SH3RF3: variants seen among roughly 807,000 people sequenced by gnomAD.
The protein encoded by SH3RF3 is SH3 domain containing ring finger 3, also known as E3 ubiquitin-protein ligase SH3RF3.
In SH3RF3, 29 loss-of-function variants were observed where a neutral mutation model predicts 66.3. The ratio of observed to expected loss-of-function variants is 0.44; its 90% CI spans 0.33 to 0.60. SH3RF3 has a LOEUF of 0.60. Ranked by LOEUF, SH3RF3 falls within the 20% of genes least tolerant of loss-of-function variation. The pLI is 0.04. For missense variants in SH3RF3, 1,194 were observed against 1,190.9 expected (o/e 1.00, Z -0.04); for synonymous variants, 583 against 532.0 (o/e 1.10, Z -1.32).
chr2:109,486,019 C>G (rs139896012), intron 8 of SH3RF3, among the ~76,000 whole-genome samples: 1 of 152,356 alleles, frequency 6.6e-6, no homozygotes, highest in Non-Finnish European at 1.5e-5. Flanking sequence ...GCGCTCCAGC[C>G]AGAAGTCCAG....
At chr2:109,409,012 G>A (rs115715217) in intron 4 of SH3RF3, among the ~76,000 whole-genome samples, 3 of 152,176 alleles carry the variant, frequency 2.0e-5, no homozygotes, top group African/African-American at 4.8e-5. Flanking sequence ...GGGAAGCCCC[G>A]GGTAGGCGAG....
In SH3RF3 at chr2:109,141,286, G is replaced by A. The variant is rs1317868254; in HGVS notation, c.573+11173G>A. Among the ~76,000 whole-genome samples the A allele has an allele frequency of 3.3e-5, 5 of 152,206 alleles. No homozygotes were observed. In the South Asian group the frequency reaches 8.3e-4, roughly 25 times the overall value. On this transcript the variant is annotated intron_variant, in intron 1 of 9. Transcript: ENST00000309415. ...GCCGTGCGCATTCCTGGCAACCAGT[G>A]CTCTGTCGGCTTTTGCAGTTGCCAC...
intron 7 of SH3RF3, among the ~76,000 whole-genome samples, chr2:109,441,137 A>AAAG (rs1677552087): frequency 1.3e-5 from 2 of 151,888 alleles, no homozygotes; most frequent in Admixed American, 1.3e-4. Context: ...GAATACAAAA[A>AAAG]AAAAAAAAAT....
intron 5 of SH3RF3, among the ~76,000 whole-genome samples, chr2:109,427,320 A>G (rs1252030561): frequency 6.6e-6 from 1 of 152,230 alleles, no homozygotes; most frequent in Non-Finnish European, 1.5e-5. Context: ...ACATAATGCT[A>G]TCGCATACTT....
intron 1 of SH3RF3, among the ~76,000 whole-genome samples, chr2:109,296,609 T>A (rs1681314929): frequency 6.6e-6 from 1 of 152,174 alleles, no homozygotes; most frequent in Admixed American, 6.5e-5. Flanking sequence ...ACCTGTGGCT[T>A]CTCAGGGACT....
At chr2:109,332,645 C>G (rs2105494454) in intron 1 of SH3RF3, among the ~76,000 whole-genome samples, 1 of 152,298 alleles carries the variant, frequency 6.6e-6, no homozygotes, top group Non-Finnish European at 1.5e-5. Context: ...GGTGGAACAT[C>G]CTCTAATTTG....
At chr2:109,467,357 C>T (rs537168503) in intron 8 of SH3RF3, among the ~76,000 whole-genome samples, 2 of 152,252 alleles carry the variant, frequency 1.3e-5, no homozygotes, top group Admixed American at 6.5e-5. Context: ...AGCGCAAAAT[C>T]GGCCAAGAGC....
At chr2:109,490,028 G>A (rs1022265149) in intron 8 of SH3RF3, among the ~76,000 whole-genome samples, 20 of 152,150 alleles carry the variant, frequency 1.3e-4, no homozygotes, top group East Asian at 1.2e-3. Context: ...ATGAGCCACC[G>A]TGCCCAGCCT....
At chr2:109,418,444 T>C (rs1364802962) in intron 4 of SH3RF3, among the ~76,000 whole-genome samples, 1 of 152,260 alleles carries the variant, frequency 6.6e-6, no homozygotes, top group East Asian at 1.9e-4. Context: ...GAGGGGAGTC[T>C]GTTCCGGGGC....
At chr2:109,223,175 G>A (rs1229826481) in intron 1 of SH3RF3, among the ~76,000 whole-genome samples, 1 of 152,248 alleles carries the variant, frequency 6.6e-6, no homozygotes, top group African/African-American at 2.4e-5. Flanking sequence ...CATGGGTGCT[G>A]CTGCCACAGA....
intron 4 of SH3RF3, among the ~76,000 whole-genome samples, chr2:109,414,972 T>C (rs961583341): frequency 6.6e-6 from 1 of 152,066 alleles, no homozygotes; most frequent in African/African-American, 2.4e-5. Context: ...TGCTCCTGGA[T>C]CACCTGGGCC....
At chr2:109,424,346 C>T (rs1004155514) in intron 5 of SH3RF3, among the ~76,000 whole-genome samples, 19 of 152,220 alleles carry the variant, frequency 1.2e-4, no homozygotes, top group African/African-American at 4.3e-4. Flanking sequence ...CACTCATCGC[C>T]CTTCAGAGGG....
At chr2:109,381,372 C>CG (rs1322563236) in intron 3 of SH3RF3, among the ~76,000 whole-genome samples, 1 of 152,186 alleles carries the variant, frequency 6.6e-6, no homozygotes, top group Non-Finnish European at 1.5e-5. Flanking sequence ...AGGTCAATGG[C>CG]GGGGTTACTT....
chr2:109,330,990 G>A (rs1316593161), intron 1 of SH3RF3, among the ~76,000 whole-genome samples: 1 of 152,184 alleles, frequency 6.6e-6, no homozygotes, highest in Non-Finnish European at 1.5e-5. Context: ...ATTAGTTCAT[G>A]GTCTAAGTCC....
At chr2:109,263,609 A>G (rs1574537420) in intron 1 of SH3RF3, among the ~76,000 whole-genome samples, 2 of 152,314 alleles carry the variant, frequency 1.3e-5, no homozygotes, top group East Asian at 3.9e-4. Context: ...GAGCAAAGCT[A>G]ATAGATGAAC....
intron 1 of SH3RF3, among the ~76,000 whole-genome samples, chr2:109,159,220 C>CGGGAAA (rs1677424958): frequency 6.6e-6 from 1 of 152,246 alleles, no homozygotes; most frequent in African/African-American, 2.4e-5. Flanking sequence ...CTGCTTTGAG[C>CGGGAAA]TTCCCCTCCC....
chr2:109,135,569 C>T (rs1676797129), intron 1 of SH3RF3, among the ~76,000 whole-genome samples: 1 of 152,196 alleles, frequency 6.6e-6, no homozygotes, highest in African/African-American at 2.4e-5. Flanking sequence ...ACGCGTGAGG[C>T]ACACCTCAGA....
At chr2:109,169,281 C>T (rs193015245) in intron 1 of SH3RF3, among the ~76,000 whole-genome samples, 118 of 152,178 alleles carry the variant, frequency 7.8e-4, no homozygotes, top group Admixed American at 2.7e-3. Context: ...TGCTGAGAGG[C>T]GGGTATATTA....
intron 5 of SH3RF3, among the ~76,000 whole-genome samples, chr2:109,426,188 C>T (rs184449784): frequency 3.9e-5 from 6 of 152,346 alleles, no homozygotes; most frequent in East Asian, 3.9e-4. Context: ...GGATTACAAT[C>T]GTGAGCCACT....
Sources: allele counts gnomAD v4.1 joint callset (sites outside exome capture counted in the v4.1 genomes callset), GRCh38; gene constraint gnomAD v4.1.1; transcripts MANE v1.5; gene names NCBI Gene and HGNC (gene_info 2026-07-23, HGNC 2026-07-21).